MAGI2: variants seen among roughly 807,000 people sequenced by gnomAD.
MAGI2 encodes the protein membrane associated guanylate kinase, WW and PDZ domain containing 2.
Under a neutral mutation model 133.3 loss-of-function variants are expected in MAGI2, and 35 were observed. That is an observed-to-expected ratio of 0.26 (90% confidence interval 0.20 to 0.35). The LOEUF (loss-of-function observed/expected upper bound fraction) is 0.35, where lower values mean the gene tolerates loss of function less well. Ranked by LOEUF, MAGI2 falls within the 10% of genes least tolerant of loss-of-function variation. The probability of loss-of-function intolerance (pLI) is 1.00; values close to 1 mark genes in which losing one functional copy is unlikely to be tolerated. For synonymous variants in MAGI2, 729 were observed against 710.6 expected (o/e 1.03, Z -0.41); for missense variants, 1,636 against 1,863.4 (o/e 0.88, Z 2.25).
intron 10 of MAGI2, among the ~76,000 whole-genome samples, chr7:78,213,707 C>T (rs1787992703): frequency 6.6e-6 from 1 of 152,214 alleles, no homozygotes; most frequent in Non-Finnish European, 1.5e-5. Flanking sequence ...AGCTGTACCT[C>T]AATTCCATTT....
At chr7:78,843,584 C>CAT (rs1453696321) in intron 2 of MAGI2, among the ~76,000 whole-genome samples, 1 of 151,778 alleles carries the variant, frequency 6.6e-6, no homozygotes, top group African/African-American at 2.4e-5. Flanking sequence ...GGCTTGTCTG[C>CAT]ATATGTTATT....
At chr7:79,090,899 G>A (rs1816984924) in intron 1 of MAGI2, among the ~76,000 whole-genome samples, 1 of 151,972 alleles carries the variant, frequency 6.6e-6, no homozygotes. Flanking sequence ...GACCACTTCC[G>A]TGATTTATCA....
At chr7:79,243,868 T>C (rs899729927) in intron 1 of MAGI2, among the ~76,000 whole-genome samples, 3 of 152,200 alleles carry the variant, frequency 2.0e-5, no homozygotes, top group Non-Finnish European at 4.4e-5. Flanking sequence ...TAGTCAGGAT[T>C]TCAATTTTCA....
chr7:79,370,275 C>A (rs1376562753), intron 1 of MAGI2, among the ~76,000 whole-genome samples: 1 of 152,010 alleles, frequency 6.6e-6, no homozygotes, highest in African/African-American at 2.4e-5. Context: ...TGCTTTCATG[C>A]CCTTACTTAT....
chr7:78,160,278 A>G lies in MAGI2; in HGVS notation c.2597-5T>C, dbSNP rs764361092. The G allele has an allele frequency of 6.3e-7, 1 of 1,575,230 alleles. No individual in the cohort carries two copies. Among genetic ancestry groups the G allele is most frequent in the Non-Finnish European group, 8.6e-7 (1 of 1,159,582 alleles). On this transcript the variant is annotated splice_polypyrimidine_tract_variant and splice_region_variant and intron_variant, in intron 15 of 21. Coordinates refer to ENST00000354212, the MANE Select transcript of MAGI2 (RefSeq NM_012301.4). ...CGTTCTCTGGGCAGGGCTCCCCTGC[A>G]AAATATACCACACACAGGTAATCAA...
intron 6 of MAGI2, among the ~76,000 whole-genome samples, chr7:78,414,604 ACACACACATGC>A (rs1470477302): frequency 1.3e-3 from 200 of 152,084 alleles, no homozygotes; most frequent in African/African-American, 4.6e-3. Flanking sequence ...TTTTTCCTTA[ACACACACATGC>A]TGTTGTACAC....
intron 2 of MAGI2, among the ~76,000 whole-genome samples, chr7:78,655,970 G>A (rs1240670588): frequency 8.9e-6 from 1 of 112,324 alleles, no homozygotes; most frequent in African/African-American, 3.3e-5. Flanking sequence ...GACAGAGCAA[G>A]ACTCCGTCTC....
intron 3 of MAGI2, among the ~76,000 whole-genome samples, chr7:78,544,983 A>G (rs962276509): frequency 2.0e-5 from 3 of 151,296 alleles, no homozygotes; most frequent in East Asian, 3.9e-4. Flanking sequence ...GTAATCTAGT[A>G]TCCCTGGCTG....
At chr7:79,224,410 T>C (rs1830682707) in intron 1 of MAGI2, among the ~76,000 whole-genome samples, 1 of 152,052 alleles carries the variant, frequency 6.6e-6, no homozygotes, top group African/African-American at 2.4e-5. Context: ...GTGAGTACTT[T>C]ATGCTGTTTC....
chr7:78,147,705 A>C (rs1471504217), intron 16 of MAGI2, among the ~76,000 whole-genome samples: 1 of 152,152 alleles, frequency 6.6e-6, no homozygotes, highest in Non-Finnish European at 1.5e-5. Context: ...AACGATCTTC[A>C]ATATCATTAG....
chr7:78,742,816 G>A lies in MAGI2; in HGVS notation c.419-115577C>T, dbSNP rs535201800. On this transcript the variant is annotated intron_variant, in intron 2 of 21. Transcript: ENST00000354212. ...CTTCCAAAATAAGGCTAGAAAAATC[G>A]ATTCAGCTTCCACCTTGCTGGTAAG... is the stretch of plus-strand genomic sequence containing the variant. 1.4e-3 allele frequency among the ~76,000 whole-genome samples: 218 copies of A among 152,234 alleles called. 1 individual carries two copies. The highest frequency in any genetic ancestry group is 6.8e-3 in the Middle Eastern group (2 of 294).
chr7:78,241,738 G>T (rs2150908292), intron 10 of MAGI2, among the ~76,000 whole-genome samples: 1 of 152,150 alleles, frequency 6.6e-6, no homozygotes, highest in Admixed American at 6.5e-5. Flanking sequence ...TTCGAGACCA[G>T]CCTGGCCAAC....
intron 10 of MAGI2, among the ~76,000 whole-genome samples, chr7:78,241,319 A>G (rs931849395): frequency 6.6e-6 from 1 of 152,200 alleles, no homozygotes; most frequent in African/African-American, 2.4e-5. Context: ...GTGTGACAAT[A>G]ACTCTACAAG....
intron 4 of MAGI2, among the ~76,000 whole-genome samples, chr7:78,516,683 C>T (rs1584470305): frequency 1.3e-5 from 2 of 152,072 alleles, no homozygotes; most frequent in East Asian, 1.9e-4. Context: ...GAATTTTTAC[C>T]TATGGTGGAA....
At chr7:78,220,175 A>G (rs1190453696) in intron 10 of MAGI2, among the ~76,000 whole-genome samples, 1 of 151,628 alleles carries the variant, frequency 6.6e-6, no homozygotes, top group African/African-American at 2.4e-5. Flanking sequence ...CTGTGTGACA[A>G]CTCTATCTTT....
chr7:78,256,400 CATT>C lies in MAGI2; in HGVS notation c.1587_1589del (p.Ile529del). The C allele has an allele frequency of 6.2e-7, 1 of 1,613,936 alleles. No homozygotes were observed. On this transcript the variant is annotated inframe_deletion, in exon 10 of 22. Transcript: ENST00000354212. Reference sequence around the variant, plus strand: ...TGACCATCACTGGAGGTGGCCTCTCCATTATTGCAAGGGGTGGCACCATGCTGT... The same window carrying C: ...TGACCATCACTGGAGGTGGCCTCTCCATTGCAAGGGGTGGCACCATGCTGT...
chr7:78,733,015 C>G lies in MAGI2; in HGVS notation c.419-105776G>C, dbSNP rs546143126. ...TAACCAGGTAGAGGAGGAGTAAGAG[C>G]CTTAAGGGGCTGTGCAAGGAAATGG... is the stretch of plus-strand genomic sequence containing the variant. On this transcript the variant is annotated intron_variant, in intron 2 of 21. Coordinates refer to ENST00000354212, the MANE Select transcript of MAGI2 (RefSeq NM_012301.4). Among the ~76,000 whole-genome samples, 168 of 152,050 alleles carry G rather than the reference C, an allele frequency of 1.1e-3. 1 individual carries two copies. Among genetic ancestry groups the G allele is most frequent in the African/African-American group, 3.9e-3 (163 of 41,456 alleles).
intron 3 of MAGI2, among the ~76,000 whole-genome samples, chr7:78,557,097 A>AAAAAAAAAAAAAAAAAAAAAAAAGAAAG (rs1554473311): frequency 1.1e-4 from 15 of 138,990 alleles, no homozygotes; most frequent in African/African-American, 3.9e-4. Context: ...AAAAAAAAAA[A>AAAAAAAAAAAAAAAAAAAAAAAAGAAAG]AAAGAAAAAG....
chr7:79,049,608 A>G (rs1482836365), intron 1 of MAGI2, among the ~76,000 whole-genome samples: 1 of 151,962 alleles, frequency 6.6e-6, no homozygotes. Context: ...TTTTTTCTTT[A>G]TATAATTAAT....
Sources: allele counts gnomAD v4.1 joint callset (sites outside exome capture counted in the v4.1 genomes callset), GRCh38; gene constraint gnomAD v4.1.1; transcripts MANE v1.5; gene names NCBI Gene and HGNC (gene_info 2026-07-23, HGNC 2026-07-21).